HP1BP3: variants seen among roughly 807,000 people sequenced by gnomAD.
HP1BP3 encodes the protein heterochromatin protein 1-binding protein 3.
A neutral mutation model predicts 62.5 loss-of-function variants in HP1BP3; 12 were observed. The ratio of observed to expected loss-of-function variants is 0.19; its 90% CI spans 0.12 to 0.31. HP1BP3 has a LOEUF of 0.31. HP1BP3 is among the 10% of genes least tolerant of loss of function. The pLI, the probability that HP1BP3 is intolerant of heterozygous loss-of-function variation, is 1.00. For synonymous variants in HP1BP3, 260 were observed against 237.8 expected, an observed-to-expected ratio of 1.09 and a Z score of -0.86; for missense variants, 502 against 651.8, an observed-to-expected ratio of 0.77 and a Z score of 2.50.
At chr1:20,770,768 G>T (rs1199745889) in intron 6 of HP1BP3, among the ~76,000 whole-genome samples, 162 bp downstream of exon 6, 1 of 152,130 alleles carries the variant, frequency 6.6e-6, no homozygotes, top group African/African-American at 2.4e-5. Context: ...CAGCATTTTC[G>T]AAACCTAGCC....
intron 8 of HP1BP3, among the ~76,000 whole-genome samples, chr1:20,763,652 T>C (rs1034400476): frequency 2.0e-5 from 3 of 152,240 alleles, no homozygotes; most frequent in African/African-American, 7.2e-5. Flanking sequence ...GTCTGTGAAT[T>C]ACAAATTTAA....
chr1:20,749,891 C>G lies in HP1BP3; in HGVS notation c.982-9G>C. The G allele has an allele frequency of 6.2e-7, 1 of 1,609,398 alleles. No homozygotes were observed. Among genetic ancestry groups the G allele is most frequent in the African/African-American group, 1.3e-5 (1 of 74,912 alleles). ...TCCCCTGATTTCTTCAGCTGTTTTC[C>G]AAGGAGGAAGAGAAAAGCATCAAGA... On this transcript the variant is annotated splice_polypyrimidine_tract_variant and intron_variant, in intron 9 of 12. Coordinates refer to ENST00000438032, the MANE Select transcript of HP1BP3 (RefSeq NM_001372052.1).
At position 20,749,748 on chromosome 1, in the gene HP1BP3, G is replaced by A. The variant is rs774794482; in HGVS notation, c.1116C>T (p.His372=). 20 of 1,612,876 alleles carry A rather than the reference G, an allele frequency of 1.2e-5. No individual in the cohort carries two copies. In the East Asian group the frequency reaches 4.2e-4, roughly 34 times the overall value. ...TALKKYVLEN[H]PGTNSNYQMH... The stretch of plus-strand genomic sequence containing the variant: ...TTTGATAGTTAGAATTGGTTCCTGG[G>A]TGATTCTCTAGGACATACTTCTTCA... The change falls in exon 10 of 13, where the codon CAC becomes CAT. Residue 372 remains histidine, a synonymous_variant. Coordinates refer to ENST00000438032, the MANE Select transcript of HP1BP3 (RefSeq NM_001372052.1).
intron 8 of HP1BP3, among the ~76,000 whole-genome samples, chr1:20,763,183 C>T (rs777858285): frequency 1.6e-4 from 25 of 152,250 alleles, no homozygotes; most frequent in Non-Finnish European, 3.2e-4. Context: ...TAGAAGCAGA[C>T]GCCTGCACTA....
chr1:20,772,708 G>A (rs1018510866), intron 5 of HP1BP3, among the ~76,000 whole-genome samples: 17 of 152,188 alleles, frequency 1.1e-4, no homozygotes, highest in African/African-American at 4.1e-4. Flanking sequence ...TAACAACAGG[G>A]TCCCTGAAAG....
rs1274168922 is a variant in HP1BP3, at chr1:20,779,837, A to T, written c.171T>A (p.Leu57=). The T allele has an allele frequency of 6.2e-7, 1 of 1,613,062 alleles. No homozygotes were observed. Among genetic ancestry groups the T allele is most frequent in the Admixed American group, 1.7e-5 (1 of 59,938 alleles). Residue 57 remains leucine (L), a synonymous_variant, in exon 3 of 13, where the codon CTT becomes CTA. Coordinates refer to ENST00000438032, the MANE Select transcript of HP1BP3 (RefSeq NM_001372052.1). ...STRETPPKSK[L]AEGEEEKPEP... ...CTGGCTTTTCTTCCTCCCCTTCAGCAAGCTTGCTTTTGGGAGGAGTTTCCC... is the reference window on the plus strand; with the variant it reads ...CTGGCTTTTCTTCCTCCCCTTCAGCTAGCTTGCTTTTGGGAGGAGTTTCCC...
At chr1:20,769,514 C>CAT (rs1398119091) in intron 6 of HP1BP3, among the ~76,000 whole-genome samples, 4 of 152,054 alleles carry the variant, frequency 2.6e-5, no homozygotes, top group Non-Finnish European at 4.4e-5. Flanking sequence ...GCTGACATTG[C>CAT]ACCTCTGCAC....
intron 8 of HP1BP3, among the ~76,000 whole-genome samples, chr1:20,759,099 T>C (rs1183806141): frequency 1.3e-5 from 2 of 151,980 alleles, no homozygotes; most frequent in Non-Finnish European, 2.9e-5. Context: ...ATTATTAATT[T>C]TGTTAAGAAT....
chr1:20,768,119 C>G (rs2056874287), intron 6 of HP1BP3, among the ~76,000 whole-genome samples: 1 of 151,676 alleles, frequency 6.6e-6, no homozygotes, highest in Admixed American at 6.6e-5. Flanking sequence ...CACAGTTTAC[C>G]AATGATACAT....
In HP1BP3 at chr1:20,765,368, G is replaced by T. The variant is rs1985278; in HGVS notation, c.890+9C>A. On this transcript the variant is annotated intron_variant, in intron 8 of 12. Transcript: ENST00000438032. ...ATCATGTTTTAAAGGCCAGGCCAAT[G>T]GCTCATACCTGATGTCCACTCTAAG... 573,255 of 1,560,888 alleles carry T rather than the reference G, an allele frequency of 0.37. 108,875 individuals are homozygous for T. The highest frequency in any genetic ancestry group is 0.41 in the Middle Eastern group (2,433 of 5,942).
intron 8 of HP1BP3, among the ~76,000 whole-genome samples, chr1:20,757,462 C>A (rs2056190836): frequency 6.6e-6 from 1 of 151,308 alleles, no homozygotes; most frequent in South Asian, 2.1e-4. Flanking sequence ...ACCTTCACTT[C>A]CCAGGTTCAA....
rs1006871902 is a variant in HP1BP3 at position 20,740,842 on chromosome 1, A to C, written c.*3955T>G. Among the ~76,000 whole-genome samples the C allele has an allele frequency of 6.6e-5, 10 of 152,238 alleles. No homozygotes were observed. Among genetic ancestry groups the C allele is most frequent in the African/African-American group, 2.2e-4 (9 of 41,466 alleles). On this transcript the variant is annotated 3_prime_UTR_variant, in exon 13 of 13. Coordinates refer to ENST00000438032, the MANE Select transcript of HP1BP3 (RefSeq NM_001372052.1). ...AAAAAAATAATAAGTAAAAGAATAT[A>C]GTTATAAAGACGGTAGAGATTAATT...
chr1:20,770,185 T>A lies in HP1BP3; in HGVS notation c.654+745A>T, dbSNP rs116342794. 4.3e-4 allele frequency among the ~76,000 whole-genome samples: 65 copies of A among 152,352 alleles called. 1 individual carries two copies. Among genetic ancestry groups the A allele is most frequent in the African/African-American group, 1.4e-3 (59 of 41,580 alleles). ...TTTCACTCGGGTTTCTCTGATACTC[T>A]TAACAGGCTTTAATAGTTTAGATAC... On this transcript the variant is annotated intron_variant, in intron 6 of 12. Transcript: ENST00000438032.
Position 20,767,616 on chromosome 1 carries a change from T to G in HP1BP3, c.703A>C (p.Arg235=). The G allele has an allele frequency of 6.2e-7, 1 of 1,611,628 alleles. No homozygotes were observed. The highest frequency in any genetic ancestry group is 8.5e-7 in the Non-Finnish European group (1 of 1,179,026). Residue 235 remains arginine, a synonymous_variant, in exon 7 of 13, where the codon AGA becomes CGA. Coordinates refer to ENST00000438032, the MANE Select transcript of HP1BP3 (RefSeq NM_001372052.1). ...TTTCTGGATTTCTGAGGTGTTTTTC[T>G]TGATTTCTGAACCACAACAAAACTT... ...SGSFVVVQKS[R]KTPQKSRNRK...
intron 5 of HP1BP3, 80 bp downstream of exon 5, chr1:20,773,371 A>T: frequency 7.9e-7 from 1 of 1,263,548 alleles, no homozygotes; most frequent in Non-Finnish European, 1.1e-6. Context: ...TATGATGTCT[A>T]GACAGATATA....
intron 8 of HP1BP3, among the ~76,000 whole-genome samples, chr1:20,762,336 G>A (rs193279559): frequency 6.8e-4 from 103 of 152,190 alleles, no homozygotes; most frequent in Non-Finnish European, 5.4e-4. Flanking sequence ...ATGACAATAT[G>A]TTTCAAAAGA....
At chr1:20,760,768 G>A (rs531627094) in intron 8 of HP1BP3, among the ~76,000 whole-genome samples, 29 of 151,948 alleles carry the variant, frequency 1.9e-4, no homozygotes, top group African/African-American at 2.2e-4. Flanking sequence ...CCGAGGAGGC[G>A]GAGGTTGCAG....
chr1:20,752,121 A>G (rs2055800418), intron 9 of HP1BP3, among the ~76,000 whole-genome samples: 1 of 151,686 alleles, frequency 6.6e-6, no homozygotes, highest in East Asian at 2.0e-4. Context: ...TTAGCCGGGC[A>G]TGGTGGTGCA....
intron 8 of HP1BP3, among the ~76,000 whole-genome samples, chr1:20,760,546 A>G (rs1298797295): frequency 6.6e-6 from 1 of 151,910 alleles, no homozygotes; most frequent in Admixed American, 6.6e-5. Flanking sequence ...AGCTTGGAAA[A>G]AAAAAAAAGT....
Sources: allele counts gnomAD v4.1 joint callset (sites outside exome capture counted in the v4.1 genomes callset), GRCh38; gene constraint gnomAD v4.1.1; transcripts MANE v1.5; gene names NCBI Gene and HGNC (gene_info 2026-07-23, HGNC 2026-07-21).